RBL2: variants seen among roughly 807,000 people sequenced by gnomAD.
The protein encoded by RBL2 is RB transcriptional corepressor like 2.
In RBL2, 56 loss-of-function variants were observed where a neutral mutation model predicts 126.0. The observed-to-expected ratio is 0.44, with a 90% CI of 0.36 to 0.56. The LOEUF is 0.56. RBL2 is among the 20% of genes least tolerant of loss of function. The probability of loss-of-function intolerance (pLI) is 0.00; values close to 1 mark genes in which losing one functional copy is unlikely to be tolerated. For synonymous variants in RBL2, 454 were observed against 478.5 expected, an observed-to-expected ratio of 0.95 and a Z score of 0.67; for missense variants, 1,229 against 1,398.2, an observed-to-expected ratio of 0.88 and a Z score of 1.93.
intron 21 of RBL2, among the ~76,000 whole-genome samples, chr16:53,485,670 G>A (rs577600700): frequency 4.0e-5 from 6 of 151,284 alleles, no homozygotes; most frequent in Admixed American, 6.6e-5. Flanking sequence ...GCCTGGTAAC[G>A]TGGCAAGACC....
At chr16:53,458,312 A>G (rs1203180341) in intron 8 of RBL2, among the ~76,000 whole-genome samples, 2 of 152,240 alleles carry the variant, frequency 1.3e-5, no homozygotes, top group Non-Finnish European at 2.9e-5. Flanking sequence ...AGACATTGTT[A>G]AGCTATCTTA....
chr16:53,435,315 G>C (rs745355731), intron 1 of RBL2, among the ~76,000 whole-genome samples: 8 of 152,126 alleles, frequency 5.3e-5, no homozygotes, highest in Non-Finnish European at 1.0e-4. Flanking sequence ...CTGTGTTTAC[G>C]TCTGTGTAAA....
chr16:53,490,448 T>A lies in RBL2; in HGVS notation c.*148T>A. ...GGACATTTTGGTGAGAAATGGGACT[T>A]AACTCCTTCCAGTGTCCTTAGAACA... is the stretch of plus-strand genomic sequence containing the variant. On this transcript the variant is annotated 3_prime_UTR_variant, in exon 22 of 22. Coordinates refer to ENST00000262133, the MANE Select transcript of RBL2 (RefSeq NM_005611.4). The A allele has an allele frequency of 3.5e-6, 2 of 566,950 alleles. No individual in the cohort carries two copies. Among genetic ancestry groups the A allele is most frequent in the Non-Finnish European group, 5.7e-6 (2 of 349,814 alleles). The allele number at this position is 566,950 out of a possible 1,614,324, so 35.1% of individuals were successfully genotyped here.
At chr16:53,454,196 T>C (rs1350568118) in intron 7 of RBL2, 2 of 453,114 alleles carry the variant, frequency 4.4e-6, no homozygotes, top group Non-Finnish European at 4.4e-6. Context: ...TGTGATACTA[T>C]CCAGTTTTTG....
chr16:53,461,291 G>A (rs891043487), intron 9 of RBL2, among the ~76,000 whole-genome samples: 2 of 152,140 alleles, frequency 1.3e-5, no homozygotes, highest in East Asian at 1.9e-4. Context: ...CCAGGAGTTC[G>A]AGACCAGCCT....
At chr16:53,467,525 C>T (rs2058283686) in intron 14 of RBL2, among the ~76,000 whole-genome samples, 1 of 152,236 alleles carries the variant, frequency 6.6e-6, no homozygotes, top group South Asian at 2.1e-4. Context: ...GTAGCTGGGA[C>T]TACAGGCATG....
intron 19 of RBL2, chr16:53,480,292 G>C: frequency 1.9e-6 from 1 of 522,004 alleles, no homozygotes; most frequent in East Asian, 3.2e-5. Context: ...TCCCCTGCCT[G>C]TTGCTTTGTA....
At chr16:53,441,881 C>T (rs1410292952) in intron 2 of RBL2, among the ~76,000 whole-genome samples, 1 of 151,974 alleles carries the variant, frequency 6.6e-6, no homozygotes, top group African/African-American at 2.4e-5. Flanking sequence ...AGTGCAGTGG[C>T]GTGATCTCGG....
intron 8 of RBL2, among the ~76,000 whole-genome samples, chr16:53,458,686 A>G (rs545696085): frequency 1.1e-4 from 17 of 152,344 alleles, no homozygotes; most frequent in African/African-American, 3.1e-4. Flanking sequence ...ACAGTTCCAC[A>G]TGACTGGGGA....
rs566702426 is a variant in RBL2, at chr16:53,480,966, C to A, written c.3084+197C>A. 871 of 477,270 alleles carry A rather than the reference C, an allele frequency of 1.8e-3. 1 individual carries two copies. The highest frequency in any genetic ancestry group is 2.8e-3 in the Non-Finnish European group (746 of 268,288). The allele number at this position is 477,270 out of a possible 1,614,324, so 29.6% of individuals were successfully genotyped here. Reference sequence around the variant, plus strand: ...TTGAGGTCAGGAGTTCAAGACCAGCCTGGCCAACGTGGTAAAACCCAGTCT... The same window carrying A: ...TTGAGGTCAGGAGTTCAAGACCAGCATGGCCAACGTGGTAAAACCCAGTCT... On this transcript the variant is annotated intron_variant, in intron 20 of 21. Transcript: ENST00000262133.
rs138843013 is a variant in RBL2, at chr16:53,464,245, C to A, written c.1580C>A (p.Ala527Glu). 1 of 1,581,622 alleles carries A rather than the reference C, an allele frequency of 6.3e-7. No individual in the cohort carries two copies. The highest frequency in any genetic ancestry group is 1.8e-5 in the Admixed American group (1 of 54,304). ...MDLSGILEQD[A>E]FHRSLLACCL... ...TTATAGGGTATTCTGGAACAAGATG[C>A]GTTCCACAGATCTCTCTTGGCCTGC... The change falls in exon 12 of 22, where the codon GCG becomes GAG. Residue 527 changes from alanine to glutamate, a missense_variant. Ala to Glu is a moderately radical substitution (Grantham distance 107). Around this residue, in one of 2 missense-constraint regions of RBL2, gnomAD observed 1,070 missense variants for 1,274.3 expected, o/e 0.84. Coordinates refer to ENST00000262133, the MANE Select transcript of RBL2 (RefSeq NM_005611.4).
intron 17 of RBL2, among the ~76,000 whole-genome samples, chr16:53,477,842 G>A (rs2150822122): frequency 1.3e-5 from 2 of 152,182 alleles, no homozygotes; most frequent in East Asian, 3.9e-4. Context: ...GAAAGGAGAA[G>A]AAATGTGCAG....
At chr16:53,465,319 A>G in intron 12 of RBL2, 119 bp from the exon 13 acceptor site, 1 of 614,210 alleles carries the variant, frequency 1.6e-6, no homozygotes, top group Non-Finnish European at 2.4e-6. Context: ...CAAAGACAGT[A>G]AAAGGAAGAG....
chr16:53,446,503 C>T (rs576635970), intron 3 of RBL2, among the ~76,000 whole-genome samples: 1 of 152,162 alleles, frequency 6.6e-6, no homozygotes, highest in South Asian at 2.1e-4. Context: ...AAGCTTAAAG[C>T]AGGTCTGAAA....
chr16:53,481,760 T>A lies in RBL2; in HGVS notation c.3174T>A (p.Ile1058=). Residue 1058 remains isoleucine, a synonymous_variant, in exon 21 of 22, where the codon ATT becomes ATA. Transcript: ENST00000262133. ...IQLSQNHPVY[I]SPHKNETMLS... Reference sequence around the variant, plus strand: ...TGTCTCAAAATCATCCTGTCTACATTTCCCCACATAAAAATGAAACAATGC... The same window carrying A: ...TGTCTCAAAATCATCCTGTCTACATATCCCCACATAAAAATGAAACAATGC... 1 of 1,596,090 alleles carries A rather than the reference T, an allele frequency of 6.3e-7. No homozygotes were observed. The highest frequency in any genetic ancestry group is 8.6e-7 in the Non-Finnish European group (1 of 1,163,648).
intron 1 of RBL2, chr16:53,435,636 C>CT: frequency 7.8e-7 from 1 of 1,284,118 alleles, no homozygotes; most frequent in Non-Finnish European, 1.0e-6. Flanking sequence ...AGCTGTTTGA[C>CT]TGTGTGTGTG....
At chr16:53,474,760 A>T (rs1421169704) in intron 17 of RBL2, among the ~76,000 whole-genome samples, 1 of 152,240 alleles carries the variant, frequency 6.6e-6, no homozygotes, top group Non-Finnish European at 1.5e-5. Flanking sequence ...CATAAGAGGC[A>T]TTGGTCTGTA....
chr16:53,438,107 TAGG>T (rs1037534562), intron 1 of RBL2, among the ~76,000 whole-genome samples: 2 of 152,154 alleles, frequency 1.3e-5, no homozygotes, highest in African/African-American at 4.8e-5. Flanking sequence ...CCTTAAAACT[TAGG>T]GGCAGAAAGC....
chr16:53,434,829 T>C (rs1179154132), intron 1 of RBL2, 33 bp downstream of exon 1: 2 of 1,469,628 alleles, frequency 1.4e-6, no homozygotes, highest in East Asian at 2.7e-5. Flanking sequence ...GCTTCCGGCC[T>C]AGTTGGCGTG....
Sources: allele counts gnomAD v4.1 joint callset (sites outside exome capture counted in the v4.1 genomes callset), GRCh38; gene constraint gnomAD v4.1.1; regional missense constraint gnomAD v4.1.1; transcripts MANE v1.5; gene names NCBI Gene and HGNC (gene_info 2026-07-23, HGNC 2026-07-21).